RNF43: variants seen among roughly 807,000 people sequenced by gnomAD.
RNF43 encodes E3 ubiquitin-protein ligase RNF43.
Under a neutral mutation model 78.4 loss-of-function variants are expected in RNF43, and 37 were observed. The observed-to-expected ratio is 0.47, with a 90% CI of 0.36 to 0.62. The LOEUF is 0.62. Ranked by LOEUF, RNF43 falls within the 20% of genes least tolerant of loss-of-function variation. The pLI is 0.00. For synonymous variants in RNF43, 347 were observed against 395.0 expected (o/e 0.88, Z 1.44); for missense variants, 774 against 1,007.9 (o/e 0.77, Z 3.14).
At chr17:58,381,176 G>A (rs537639500) in intron 2 of RNF43, among the ~76,000 whole-genome samples, 20 of 152,202 alleles carry the variant, frequency 1.3e-4, no homozygotes, top group Non-Finnish European at 2.5e-4. Flanking sequence ...AATAACATCA[G>A]GAGGAAAAGG....
At chr17:58,381,188 C>G (rs1973308454) in intron 2 of RNF43, among the ~76,000 whole-genome samples, 1 of 152,148 alleles carries the variant, frequency 6.6e-6, no homozygotes, top group South Asian at 2.1e-4. Flanking sequence ...AGGAAAAGGA[C>G]AAAATTATTC....
At chr17:58,391,301 G>A (rs1973553170) in intron 2 of RNF43, among the ~76,000 whole-genome samples, 1 of 152,106 alleles carries the variant, frequency 6.6e-6, no homozygotes, top group African/African-American at 2.4e-5. Flanking sequence ...GTTTATTCCT[G>A]GTCAGGGATC....
intron 2 of RNF43, among the ~76,000 whole-genome samples, chr17:58,408,001 G>C (rs1973949043): frequency 6.6e-6 from 1 of 152,166 alleles, no homozygotes; most frequent in Non-Finnish European, 1.5e-5. Flanking sequence ...CTACACATAA[G>C]AAGATCTTTG....
At chr17:58,380,224 G>A (rs903010301) in intron 2 of RNF43, among the ~76,000 whole-genome samples, 14 of 152,254 alleles carry the variant, frequency 9.2e-5, no homozygotes, top group South Asian at 2.1e-4. Flanking sequence ...CATCTTATAA[G>A]GAGTACCACT....
chr17:58,367,835 A>G (rs1972989283), intron 3 of RNF43, among the ~76,000 whole-genome samples: 1 of 152,250 alleles, frequency 6.6e-6, no homozygotes, highest in Non-Finnish European at 1.5e-5. Flanking sequence ...TAACTACAAA[A>G]GCACGGAATG....
intron 2 of RNF43, among the ~76,000 whole-genome samples, chr17:58,392,174 C>T (rs1316325314): frequency 6.6e-6 from 1 of 152,138 alleles, no homozygotes; most frequent in Non-Finnish European, 1.5e-5. Context: ...ATCTTAAGGA[C>T]AGGACAGAGC....
rs748989969 is a variant in RNF43 at position 58,415,623 on chromosome 17, C to T, written c.-46G>A. The T allele has an allele frequency of 1.9e-6, 3 of 1,586,872 alleles. No individual in the cohort carries two copies. The highest frequency in any genetic ancestry group is 2.6e-6 in the Non-Finnish European group (3 of 1,170,374). ...ACTTCAACCATACATACTGCTTCCACTAGCTAATACCAAATGCAGGTTCTC... is the reference window on the plus strand; with the variant it reads ...ACTTCAACCATACATACTGCTTCCATTAGCTAATACCAAATGCAGGTTCTC... On this transcript the variant is annotated 5_prime_UTR_variant, in exon 2 of 10. It adds an upstream start codon to the 5' untranslated region. Coordinates refer to ENST00000407977, the MANE Select transcript of RNF43 (RefSeq NM_017763.6).
chr17:58,362,058 C>A (rs1972844537), intron 6 of RNF43, among the ~76,000 whole-genome samples: 2 of 151,974 alleles, frequency 1.3e-5, no homozygotes, highest in African/African-American at 4.8e-5. Flanking sequence ...TGCATTCCAC[C>A]CTGGGCGACA....
intron 2 of RNF43, among the ~76,000 whole-genome samples, chr17:58,397,253 A>G (rs1003345528): frequency 6.6e-6 from 1 of 152,168 alleles, no homozygotes; most frequent in Non-Finnish European, 1.5e-5. Flanking sequence ...GCAATCCCAC[A>G]AACTCAAAAG....
At chr17:58,369,092 C>T (rs892449635) in intron 3 of RNF43, among the ~76,000 whole-genome samples, 7 of 151,176 alleles carry the variant, frequency 4.6e-5, no homozygotes, top group East Asian at 1.9e-4. Flanking sequence ...CACACACACA[C>T]GCACACACAC....
intron 2 of RNF43, among the ~76,000 whole-genome samples, chr17:58,377,817 T>C (rs188332964): frequency 6.9e-4 from 105 of 152,166 alleles, no homozygotes; most frequent in African/African-American, 2.4e-3. Context: ...ATCAAGAACA[T>C]TGGCCAGGCA....
intron 2 of RNF43, among the ~76,000 whole-genome samples, chr17:58,414,947 T>C (rs566668198): frequency 6.6e-6 from 1 of 152,308 alleles, no homozygotes; most frequent in Admixed American, 6.5e-5. Context: ...ACCTTCTTAG[T>C]GCTTACTTCA....
intron 2 of RNF43, 37 bp from the exon 3 acceptor site, chr17:58,371,070 A>G (rs2143517169): frequency 6.6e-7 from 1 of 1,526,478 alleles, no homozygotes; most frequent in East Asian, 2.3e-5. Flanking sequence ...GGGAGGCTTT[A>G]GGCAGCAGGA....
intron 2 of RNF43, among the ~76,000 whole-genome samples, chr17:58,405,092 T>G (rs891719945): frequency 1.4e-5 from 2 of 142,548 alleles, no homozygotes; most frequent in Non-Finnish European, 3.0e-5. Flanking sequence ...TTTTTTTTTT[T>G]TTTGAGACAG....
chr17:58,358,957 G>A lies in RNF43; in HGVS notation c.953-134C>T, dbSNP rs138465853. ...GCTCAGAGTTTGGGGGATCAAGGACGTGCCTAAGCTGCCTGTGCTCTGGGA... is the reference window on the plus strand; with the variant it reads ...GCTCAGAGTTTGGGGGATCAAGGACATGCCTAAGCTGCCTGTGCTCTGGGA... On this transcript the variant is annotated intron_variant, in intron 8 of 9. Transcript: ENST00000407977. This position sits in a 1 kb window ranked among gnomAD's most constrained non-coding sequence, Gnocchi z 6.2. 1.2e-4 allele frequency: 120 copies of A among 966,150 alleles called. No homozygotes were observed. In the East Asian group the frequency reaches 2.6e-3, roughly 21 times the overall value. 59.8% of individuals were successfully genotyped at this position (966,150 alleles called of 1,614,324 possible).
At chr17:58,407,371 C>T (rs909547538) in intron 2 of RNF43, among the ~76,000 whole-genome samples, 5 of 152,150 alleles carry the variant, frequency 3.3e-5, no homozygotes, top group Admixed American at 3.3e-4. Flanking sequence ...TGAGCCACCA[C>T]ACCCAGCCTA....
chr17:58,369,789 GAA>G (rs1973040910), intron 3 of RNF43, among the ~76,000 whole-genome samples: 3 of 152,198 alleles, frequency 2.0e-5, no homozygotes, highest in Non-Finnish European at 4.4e-5. Context: ...TGATTGTCCT[GAA>G]AAGTGAATGA....
intron 2 of RNF43, among the ~76,000 whole-genome samples, chr17:58,404,880 T>C (rs186507471): frequency 1.3e-5 from 2 of 151,986 alleles, no homozygotes; most frequent in Admixed American, 1.3e-4. Flanking sequence ...AACTAAAATT[T>C]AACAGGGACT....
intron 6 of RNF43, among the ~76,000 whole-genome samples, chr17:58,362,319 C>A (rs1972852612): frequency 6.6e-6 from 1 of 152,148 alleles, no homozygotes; most frequent in African/African-American, 2.4e-5. Flanking sequence ...CCCTCAGCAC[C>A]TGGAACAGTG....
Sources: allele counts gnomAD v4.1 joint callset (sites outside exome capture counted in the v4.1 genomes callset), GRCh38; gene constraint gnomAD v4.1.1; non-coding constraint Gnocchi (gnomAD v3.1); transcripts MANE v1.5; gene names NCBI Gene and HGNC (gene_info 2026-07-23, HGNC 2026-07-21).